BTD: variants seen among roughly 807,000 people sequenced by gnomAD.
BTD encodes biocytinase.
BTD carries 13 observed loss-of-function variants against 17.7 expected under a neutral mutation model. The observed-to-expected ratio is 0.74, with a 90% CI of 0.48 to 1.17. The LOEUF (loss-of-function observed/expected upper bound fraction) is 1.17, where lower values mean the gene tolerates loss of function less well. BTD is among the 50% of genes most tolerant of loss of function. The probability of loss-of-function intolerance (pLI) is 0.00; values close to 1 mark genes in which losing one functional copy is unlikely to be tolerated. For synonymous variants in BTD, 240 were observed against 245.2 expected (o/e 0.98, Z 0.20); for missense variants, 674 against 650.4 (o/e 1.04, Z -0.39).
At chr3:15,602,073 C>T in intron 1 of BTD, 179 bp downstream of exon 1, 3 of 1,442,582 alleles carry the variant, frequency 2.1e-6, no homozygotes, top group Non-Finnish European at 2.7e-6. Flanking sequence ...TACCGCGTTG[C>T]GTTTTCTAGG....
At chr3:15,641,701 T>G (rs1006128973) in intron 2 of BTD, among the ~76,000 whole-genome samples, 1 of 152,180 alleles carries the variant, frequency 6.6e-6, no homozygotes, top group Non-Finnish European at 1.5e-5. Flanking sequence ...GGACTTTGTC[T>G]TTGTTCCTTG....
intron 4 of BTD, chr3:15,720,936 A>G: frequency 1.2e-6 from 2 of 1,613,690 alleles, no homozygotes; most frequent in Non-Finnish European, 1.7e-6. Context: ...CATCGGCCCC[A>G]TTGCCAACTA....
intron 3 of BTD, chr3:15,675,977 A>C (rs1341583398): frequency 1.2e-6 from 2 of 1,612,810 alleles, no homozygotes; most frequent in Non-Finnish European, 8.5e-7. Flanking sequence ...TTCGGGCAGC[A>C]ACATGCAGAG....
At position 15,697,311 on chromosome 3, in the gene BTD, T is replaced by C. The variant is rs548726944; in HGVS notation, c.400-12749T>C. 12 of 152,992 alleles carry C rather than the reference T, an allele frequency of 7.8e-5. No individual in the cohort carries two copies. The South Asian group carries it at 1.6e-3, about 21-fold the overall frequency. 9.5% of individuals were successfully genotyped at this position (152,992 alleles called of 1,614,324 possible). On this transcript the variant is annotated intron_variant, in intron 3 of 3. Coordinates refer to the BTD transcript ENST00000672141. Reference sequence around the variant, plus strand: ...AAGTTCCCAAATTGTACCCAATATGTAGTCTTTTATCCATCATATTTTACT... The same window carrying C: ...AAGTTCCCAAATTGTACCCAATATGCAGTCTTTTATCCATCATATTTTACT...
chr3:15,601,719 G>C, upstream of BTD: 1 of 1,567,936 alleles, frequency 6.4e-7, no homozygotes. Context: ...TCGCGCGCCA[G>C]AATGCCAGAG....
chr3:15,619,233 G>A (rs1236077116), intron 1 of BTD, among the ~76,000 whole-genome samples: 1 of 152,198 alleles, frequency 6.6e-6, no homozygotes, highest in Non-Finnish European at 1.5e-5. Context: ...TTTACTGAGA[G>A]TTATTATCAT....
rs548209142 is a variant in BTD at position 15,649,462 on chromosome 3, A to G, written c.*3974A>G. Among the ~76,000 whole-genome samples, 2 of 152,280 alleles carry G rather than the reference A, an allele frequency of 1.3e-5. No individual in the cohort carries two copies. Among genetic ancestry groups the G allele is most frequent in the Admixed American group, 1.3e-4 (2 of 15,300 alleles). ...GGTACCATCCTGCAGGTGGGCTGCC[A>G]CTCTGCTCAATCCAAATCACAGCTC... is the stretch of plus-strand genomic sequence containing the variant. On this transcript the variant is annotated 3_prime_UTR_variant, in exon 4 of 4. Coordinates refer to ENST00000643237, the MANE Select transcript of BTD (RefSeq NM_001370658.1).
intron 3 of BTD, among the ~76,000 whole-genome samples, chr3:15,681,095 A>G (rs2067493521): frequency 6.6e-6 from 1 of 152,228 alleles, no homozygotes; most frequent in South Asian, 2.1e-4. Flanking sequence ...CACTGACAGC[A>G]AAACTCCATA....
intron 3 of BTD, among the ~76,000 whole-genome samples, chr3:15,681,367 C>T (rs7637340): frequency 6.6e-6 from 1 of 152,104 alleles, no homozygotes; most frequent in Non-Finnish European, 1.5e-5. Flanking sequence ...ATTGACTGTT[C>T]ATCAATATCT....
At chr3:15,683,315 C>G (rs1034076392) in intron 3 of BTD, among the ~76,000 whole-genome samples, 3 of 152,104 alleles carry the variant, frequency 2.0e-5, no homozygotes, top group African/African-American at 7.2e-5. Context: ...TTTGGGTTTT[C>G]CTTATACTTG....
chr3:15,688,518 T>C (rs1160027708), intron 3 of BTD, among the ~76,000 whole-genome samples: 1 of 152,354 alleles, frequency 6.6e-6, no homozygotes, highest in Non-Finnish European at 1.5e-5. Context: ...GTAGTGTATA[T>C]ATGTTTATTA....
chr3:15,606,210 C>A (rs1163808568), intron 1 of BTD, among the ~76,000 whole-genome samples: 1 of 152,272 alleles, frequency 6.6e-6, no homozygotes, highest in Admixed American at 6.5e-5. Flanking sequence ...GCATTAGAGT[C>A]ACTTGGAAAG....
chr3:15,615,758 A>G (rs2064773059), intron 1 of BTD, among the ~76,000 whole-genome samples: 1 of 152,214 alleles, frequency 6.6e-6, no homozygotes, highest in African/African-American at 2.4e-5. Flanking sequence ...CTGCATTGAC[A>G]CATTATTATA....
chr3:15,623,048 G>A (rs2064989755), intron 1 of BTD, among the ~76,000 whole-genome samples: 1 of 152,214 alleles, frequency 6.6e-6, no homozygotes, highest in Non-Finnish European at 1.5e-5. Flanking sequence ...CATGGTAGCA[G>A]ACAAGAGTTT....
At chr3:15,606,968 T>TA (rs2064476710) in intron 1 of BTD, 3 of 151,080 alleles carry the variant, frequency 2.0e-5, no homozygotes, top group Middle Eastern at 3.5e-3. Flanking sequence ...TTTTTTTTTT[T>TA]AGCTCATCAG....
downstream of BTD, among the ~76,000 whole-genome samples, chr3:15,717,185 T>C (rs1224894695): frequency 6.6e-6 from 1 of 152,108 alleles, no homozygotes; most frequent in Non-Finnish European, 1.5e-5. Context: ...GCTATATTGC[T>C]CAGACTAGAC....
intron 3 of BTD, among the ~76,000 whole-genome samples, chr3:15,701,709 T>G (rs1025699101): frequency 5.9e-5 from 9 of 152,168 alleles, no homozygotes; most frequent in African/African-American, 2.2e-4. Context: ...GATAAAGAAA[T>G]AAAATAAAAC....
rs915646184 is a variant in BTD, at chr3:15,647,594, G to A, written c.*2106G>A. On this transcript the variant is annotated 3_prime_UTR_variant, in exon 4 of 4. Transcript: ENST00000643237. ...TAAAAGAAGTAGCTGCCAGATGACA[G>A]AACAAAGTAGAGGACGGGAAAATAA... is the stretch of plus-strand genomic sequence containing the variant. 4.6e-5 allele frequency: 7 copies of A among 152,186 alleles called. No homozygotes were observed. Among genetic ancestry groups the A allele is most frequent in the Non-Finnish European group, 1.0e-4 (7 of 68,038 alleles). The allele number at this position is 152,186 out of a possible 1,614,324, so 9.4% of individuals were successfully genotyped here.
chr3:15,669,065 C>T (rs2066135080), intron 3 of BTD: 1 of 152,332 alleles, frequency 6.6e-6, no homozygotes, highest in Admixed American at 6.5e-5. Flanking sequence ...CAGGCAACTG[C>T]TTCTCTCTCC....
Sources: allele counts gnomAD v4.1 joint callset (sites outside exome capture counted in the v4.1 genomes callset), GRCh38; gene constraint gnomAD v4.1.1; transcripts MANE v1.5; gene names NCBI Gene and HGNC (gene_info 2026-07-23, HGNC 2026-07-21).